The following FIBCD1 variants were observed in gnomAD, a reference collection of about 807,000 sequenced individuals.
FIBCD1 encodes fibrinogen C domain-containing protein 1.
FIBCD1 carries 47 observed loss-of-function variants against 45.1 expected under a neutral mutation model. That is an observed-to-expected ratio of 1.04 (90% confidence interval 0.82 to 1.33). The LOEUF (loss-of-function observed/expected upper bound fraction) is 1.33, where lower values mean the gene tolerates loss of function less well. Among genes scored for constraint, FIBCD1 ranks in the 40% most tolerant of loss-of-function variants. The pLI is 0.00. For synonymous variants in FIBCD1, 313 were observed against 308.1 expected, an observed-to-expected ratio of 1.02 and a Z score of -0.17; for missense variants, 653 against 682.2, an observed-to-expected ratio of 0.96 and a Z score of 0.48.
chr9:130,921,929 C>G (rs891178531), intron 4 of FIBCD1, among the ~76,000 whole-genome samples: 1 of 152,244 alleles, frequency 6.6e-6, no homozygotes, highest in African/African-American at 2.4e-5. Context: ...CATCTGCGCA[C>G]GCTGACTCCT....
At chr9:130,905,702 G>A (rs551761946) in intron 5 of FIBCD1, among the ~76,000 whole-genome samples, 5 of 152,312 alleles carry the variant, frequency 3.3e-5, no homozygotes, top group Admixed American at 3.3e-4. Flanking sequence ...CAGGAGGCGG[G>A]AGGAGGTGGG....
chr9:130,911,483 G>A (rs1050295654), intron 5 of FIBCD1, among the ~76,000 whole-genome samples: 3 of 152,214 alleles, frequency 2.0e-5, no homozygotes, highest in Non-Finnish European at 2.9e-5. Context: ...TGCCCAAGCT[G>A]GCTTGATTCA....
chr9:130,937,138 G>C (rs954022674), intron 1 of FIBCD1, among the ~76,000 whole-genome samples: 2 of 152,188 alleles, frequency 1.3e-5, no homozygotes, highest in Non-Finnish European at 2.9e-5. Flanking sequence ...CCAGGTTAGG[G>C]ATGGCCTTGG....
chr9:130,903,293 G>T lies in FIBCD1; in HGVS notation c.*771C>A. 1 of 154,006 alleles carries T rather than the reference G, an allele frequency of 6.5e-6. No individual in the cohort carries two copies. The highest frequency in any genetic ancestry group is 1.4e-5 in the Non-Finnish European group (1 of 69,452). 9.5% of individuals were successfully genotyped at this position (154,006 alleles called of 1,614,324 possible). On this transcript the variant is annotated 3_prime_UTR_variant, in exon 7 of 7. Coordinates refer to ENST00000372338, the MANE Select transcript of FIBCD1 (RefSeq NM_032843.5). ...ATGGCAGCCCCAGCTGCCCCAGGTA[G>T]GAGGACGGCCGGGAGCTGGGTGGGG...
chr9:130,920,004 C>T (rs552122684), intron 4 of FIBCD1, among the ~76,000 whole-genome samples: 1 of 152,242 alleles, frequency 6.6e-6, no homozygotes, highest in East Asian at 1.9e-4. Flanking sequence ...AGCCCAGGCA[C>T]TGAGGCTGAG....
At chr9:130,904,733 GTTTC>G (rs1159375978) in intron 6 of FIBCD1, among the ~76,000 whole-genome samples, 2 of 152,224 alleles carry the variant, frequency 1.3e-5, no homozygotes, top group African/African-American at 4.8e-5. Context: ...TCTGGGCTCA[GTTTC>G]TTTATCTGCA....
At chr9:130,907,807 G>A (rs993157932) in intron 5 of FIBCD1, among the ~76,000 whole-genome samples, 1 of 151,506 alleles carries the variant, frequency 6.6e-6, no homozygotes, top group Non-Finnish European at 1.5e-5. Context: ...GCTGAGGCAG[G>A]AGAATCGCTT....
chr9:130,919,497 G>A (rs1832221757), intron 4 of FIBCD1, among the ~76,000 whole-genome samples: 1 of 152,196 alleles, frequency 6.6e-6, no homozygotes, highest in African/African-American at 2.4e-5. Flanking sequence ...CGGCACAGGG[G>A]TCCAGGCTGG....
chr9:130,930,415 C>G (rs931888655), intron 1 of FIBCD1, among the ~76,000 whole-genome samples: 1 of 147,446 alleles, frequency 6.8e-6, no homozygotes, highest in African/African-American at 2.5e-5. Flanking sequence ...CGGGGAGACG[C>G]GGGGAGACAC....
rs749111889 is a variant in FIBCD1 at position 130,905,225 on chromosome 9, G to A, written c.1126+9C>T. 6.8e-6 allele frequency: 11 copies of A among 1,608,626 alleles called. No individual in the cohort carries two copies. Among genetic ancestry groups the A allele is most frequent in the South Asian group, 2.2e-5 (2 of 90,622 alleles). ...CCCTTCCCCATCCCTGCCACAGCTG[G>A]AGCCTCACCTGCAGTGCCGGAATAG... On this transcript the variant is annotated intron_variant, in intron 6 of 6. Coordinates refer to ENST00000372338, the MANE Select transcript of FIBCD1 (RefSeq NM_032843.5).
intron 5 of FIBCD1, 44 bp downstream of exon 5, chr9:130,911,748 G>C (rs756213471): frequency 3.2e-6 from 5 of 1,542,000 alleles, no homozygotes; most frequent in African/African-American, 1.4e-5. Flanking sequence ...CGGAAGGCAG[G>C]GGGAGGAGGC....
rs1457133044 is a variant in FIBCD1 at position 130,922,686 on chromosome 9, C to T, written c.849+1058G>A. 6.6e-6 allele frequency among the ~76,000 whole-genome samples: 1 copy of T among 152,150 alleles called. No homozygotes were observed. The highest frequency in any genetic ancestry group is 2.4e-5 in the African/African-American group (1 of 41,432). On this transcript the variant is annotated intron_variant, in intron 4 of 6. Coordinates refer to ENST00000372338, the MANE Select transcript of FIBCD1 (RefSeq NM_032843.5). This position sits in a 1 kb window ranked among gnomAD's most constrained non-coding sequence, Gnocchi z 4.5. ...CCGCCAAGTCACCTCTCCTGAAGCACAGTCCCCATCCCGTCTTCCTCTCTT... is the reference window on the plus strand; with the variant it reads ...CCGCCAAGTCACCTCTCCTGAAGCATAGTCCCCATCCCGTCTTCCTCTCTT...
chr9:130,936,833 G>A (rs1832526841), intron 1 of FIBCD1, among the ~76,000 whole-genome samples: 1 of 152,198 alleles, frequency 6.6e-6, no homozygotes, highest in Non-Finnish European at 1.5e-5. Flanking sequence ...AGGGGCCCAG[G>A]ACAAGGCAGC....
intron 1 of FIBCD1, among the ~76,000 whole-genome samples, chr9:130,934,778 ACCT>A (rs1832494496): frequency 6.6e-6 from 1 of 151,922 alleles, no homozygotes; most frequent in Non-Finnish European, 1.5e-5. Context: ...CAAAGCTGGC[ACCT>A]CCTCAGGTCT....
Position 130,902,806 on chromosome 9 carries a change from T to C in FIBCD1, c.*1258A>G, listed in dbSNP as rs2133059892. On this transcript the variant is annotated 3_prime_UTR_variant, in exon 7 of 7. Coordinates refer to ENST00000372338, the MANE Select transcript of FIBCD1 (RefSeq NM_032843.5). ...GGACCCGGCTCCAGCCCTGCCCTTGTGGCTGCTGGTCCTGGGAGCCTGCGG... is the reference window on the plus strand; with the variant it reads ...GGACCCGGCTCCAGCCCTGCCCTTGCGGCTGCTGGTCCTGGGAGCCTGCGG... 1 of 152,380 alleles carries C rather than the reference T, an allele frequency of 6.6e-6. No individual in the cohort carries two copies. Among genetic ancestry groups the C allele is most frequent in the East Asian group, 1.9e-4 (1 of 5,172 alleles). 9.4% of individuals were successfully genotyped at this position (152,380 alleles called of 1,614,324 possible). A position where few individuals can be genotyped will look rare whatever the true frequency, so the allele number is the denominator to read the frequency against.
chr9:130,927,070 ACAAAAAAATTTTAAT>A (rs1296410523), intron 2 of FIBCD1, among the ~76,000 whole-genome samples: 1 of 151,994 alleles, frequency 6.6e-6, no homozygotes, highest in Non-Finnish European at 1.5e-5. Context: ...AGACCTCTCT[ACAAAAAAATTTTAAT>A]CAAAAAAATT....
At chr9:130,934,707 C>A (rs1832493379) in intron 1 of FIBCD1, among the ~76,000 whole-genome samples, 2 of 152,236 alleles carry the variant, frequency 1.3e-5, no homozygotes, top group African/African-American at 4.8e-5. Flanking sequence ...TCTCTCCACC[C>A]CAAACCTGAG....
chr9:130,910,514 G>A (rs1832017448), intron 5 of FIBCD1, among the ~76,000 whole-genome samples: 2 of 152,240 alleles, frequency 1.3e-5, no homozygotes, highest in Admixed American at 1.3e-4. Flanking sequence ...GCAGGCACAC[G>A]GCGCGGGACT....
intron 5 of FIBCD1, among the ~76,000 whole-genome samples, chr9:130,908,948 C>A (rs2133071005): frequency 6.6e-6 from 1 of 152,192 alleles, no homozygotes; most frequent in African/African-American, 2.4e-5. Context: ...GCCTTTGGGG[C>A]CCCCGACCCC....
Sources: allele counts gnomAD v4.1 joint callset (sites outside exome capture counted in the v4.1 genomes callset), GRCh38; gene constraint gnomAD v4.1.1; non-coding constraint Gnocchi (gnomAD v3.1); transcripts MANE v1.5; gene names NCBI Gene and HGNC (gene_info 2026-07-23, HGNC 2026-07-21).